The following MCF2L2 variants were observed in gnomAD, a reference collection of about 807,000 sequenced individuals.
The protein encoded by MCF2L2 is probable guanine nucleotide exchange factor MCF2L2.
Under a neutral mutation model 150.2 loss-of-function variants are expected in MCF2L2, and 102 were observed. That is an observed-to-expected ratio of 0.68 (90% CI 0.58 to 0.80). The LOEUF (loss-of-function observed/expected upper bound fraction) is 0.80. Ranked by LOEUF, MCF2L2 falls within the 30% of genes least tolerant of loss-of-function variation. MCF2L2 has a pLI of 0.00. For missense variants in MCF2L2, 1,256 were observed against 1,372.8 expected (o/e 0.91, Z 1.34); for synonymous variants, 465 against 491.3 (o/e 0.95, Z 0.71).
chr3:183,363,863 T>A (rs1237034121), intron 3 of MCF2L2, among the ~76,000 whole-genome samples: 1 of 152,210 alleles, frequency 6.6e-6, no homozygotes, highest in Non-Finnish European at 1.5e-5. Flanking sequence ...AATGAATATG[T>A]CTTCAGCTTT....
rs187861234 is a variant in MCF2L2 at position 183,289,630 on chromosome 3, C to T, written c.1676-410G>A. On this transcript the variant is annotated intron_variant, in intron 13 of 29. Transcript: ENST00000328913. ...CAGCACTTTGGGAGGCTGAGGCGGG[C>T]AGATCACCTGAGGTCAGGAGTTCGA... is the stretch of plus-strand genomic sequence containing the variant. 4.4e-3 allele frequency among the ~76,000 whole-genome samples: 673 copies of T among 152,234 alleles called. 6 individuals are homozygous for T. The highest frequency in any genetic ancestry group is 0.016 in the African/African-American group (644 of 41,532).
chr3:183,409,007 T>C lies in MCF2L2; in HGVS notation c.76+18895A>G, dbSNP rs575363127. Among the ~76,000 whole-genome samples, 267 of 152,384 alleles carry C rather than the reference T, an allele frequency of 1.8e-3. 2 individuals are homozygous for C. The highest frequency in any genetic ancestry group is 6.3e-3 in the African/African-American group (263 of 41,592). ...TAGACTTTTTGTTTGTTTAAGACTC[T>C]AGTGCTTAGCATGGGAAATGCAATT... is the stretch of plus-strand genomic sequence containing the variant. On this transcript the variant is annotated intron_variant, in intron 1 of 29. Transcript: ENST00000328913.
At position 183,179,117 on chromosome 3, in the gene MCF2L2, T is replaced by G. The variant is rs1459804741; in HGVS notation, c.*263A>C. ...AATTGCCCGGCTCCGAATATCGAAG[T>G]GCGCGGTCGAGAAGGCGTGGGCTGC... On this transcript the variant is annotated 3_prime_UTR_variant, in exon 30 of 30. Transcript: ENST00000328913. The surrounding 1 kb of genome is among the most constrained non-coding windows in gnomAD (Gnocchi z 4.2). The G allele has an allele frequency of 4.4e-5, 17 of 386,428 alleles. No homozygotes were observed. 23.9% of individuals were successfully genotyped at this position (386,428 alleles called of 1,614,324 possible).
chr3:183,349,759 G>C (rs567834282), intron 3 of MCF2L2, among the ~76,000 whole-genome samples: 93 of 152,356 alleles, frequency 6.1e-4, no homozygotes, highest in African/African-American at 2.1e-3. Flanking sequence ...AGACTCAGCT[G>C]TCTGATACTG....
At chr3:183,411,349 A>G (rs1310743728) in intron 1 of MCF2L2, among the ~76,000 whole-genome samples, 1 of 152,168 alleles carries the variant, frequency 6.6e-6, no homozygotes, top group Non-Finnish European at 1.5e-5. Context: ...CATTTCTCAC[A>G]ATCAGCAGAA....
chr3:183,370,534 C>T (rs955884917), intron 3 of MCF2L2, among the ~76,000 whole-genome samples: 7 of 152,156 alleles, frequency 4.6e-5, no homozygotes, highest in African/African-American at 1.7e-4. Context: ...ATTGAAATGT[C>T]GAAAGATGGA....
At chr3:183,321,159 C>T (rs73068097) in intron 6 of MCF2L2, among the ~76,000 whole-genome samples, 21,586 of 152,074 alleles carry the variant, frequency 0.14, 1,693 homozygotes, top group African/African-American at 0.2. Context: ...AACAGTTGGC[C>T]GGGTGCAGTG....
intron 15 of MCF2L2, chr3:183,271,429 C>CA (rs898798401): frequency 1.2e-5 from 2 of 167,250 alleles, no homozygotes; most frequent in Non-Finnish European, 2.9e-5. Flanking sequence ...TCTGGTAAAA[C>CA]AGTCTCTTGT....
Position 183,196,338 on chromosome 3 carries a change from G to A in MCF2L2, c.2885-1083C>T, listed in dbSNP as rs927689066. Among the ~76,000 whole-genome samples the A allele has an allele frequency of 3.9e-5, 6 of 152,264 alleles. No homozygotes were observed. In the East Asian group the frequency reaches 1.2e-3, roughly 29 times the overall value. ...TTTGGCCAGTGTACAGGGTTATTAT[G>A]CTTAACAATCCACAAAGGTTGAAAG... On this transcript the variant is annotated intron_variant, in intron 25 of 29. Coordinates refer to ENST00000328913, the MANE Select transcript of MCF2L2 (RefSeq NM_015078.4).
chr3:183,392,315 G>A (rs984596201), intron 1 of MCF2L2, among the ~76,000 whole-genome samples: 7 of 152,090 alleles, frequency 4.6e-5, no homozygotes, highest in African/African-American at 7.2e-5. Flanking sequence ...ATCACCTGAC[G>A]CTAAGAGGGC....
At chr3:183,202,907 G>A (rs977705758) in intron 25 of MCF2L2, among the ~76,000 whole-genome samples, 1 of 152,112 alleles carries the variant, frequency 6.6e-6, no homozygotes, top group African/African-American at 2.4e-5. Context: ...AGAAAAACCA[G>A]TCAATACAAA....
At chr3:183,195,150 C>A in intron 26 of MCF2L2, 72 bp downstream of exon 26, 1 of 1,190,596 alleles carries the variant, frequency 8.4e-7, no homozygotes, top group Non-Finnish European at 1.2e-6. Flanking sequence ...GCAATAAAAG[C>A]AATGACATGG....
At chr3:183,193,181 C>T in intron 26 of MCF2L2, 85 bp from the exon 27 acceptor site, 3 of 1,104,672 alleles carry the variant, frequency 2.7e-6, no homozygotes, top group South Asian at 2.6e-5. Flanking sequence ...AACGCTGGCC[C>T]ACCTAGTGTA....
intron 3 of MCF2L2, among the ~76,000 whole-genome samples, chr3:183,370,710 G>A (rs1712822673): frequency 6.6e-6 from 1 of 152,198 alleles, no homozygotes. Context: ...TTTTTAAATA[G>A]AGAAGGACAA....
intron 14 of MCF2L2, among the ~76,000 whole-genome samples, chr3:183,281,559 G>C (rs1014008467): frequency 1.7e-4 from 26 of 151,958 alleles, no homozygotes; most frequent in African/African-American, 6.3e-4. Context: ...TGGAAAACTG[G>C]GCAGTCTGTC....
chr3:183,294,699 G>A (rs190189674), intron 13 of MCF2L2, among the ~76,000 whole-genome samples: 351 of 147,862 alleles, frequency 2.4e-3, no homozygotes, highest in African/African-American at 7.6e-3. Flanking sequence ...CGCCATCTCC[G>A]CTAACTGCAA....
chr3:183,294,611 GTGTGTA>G (rs1442889015), intron 13 of MCF2L2, among the ~76,000 whole-genome samples: 4 of 132,156 alleles, frequency 3.0e-5, no homozygotes, highest in Admixed American at 7.7e-5. Flanking sequence ...GTGTGTGTGT[GTGTGTA>G]TATATATATA....
chr3:183,223,509 A>C, intron 19 of MCF2L2, 71 bp from the exon 20 acceptor site: 1 of 1,203,966 alleles, frequency 8.3e-7, no homozygotes, highest in South Asian at 1.2e-5. Flanking sequence ...GGCAGCATTT[A>C]GGTACAAAAC....
intron 1 of MCF2L2, among the ~76,000 whole-genome samples, chr3:183,398,143 C>G (rs1714562436): frequency 6.6e-6 from 1 of 152,194 alleles, no homozygotes; most frequent in Admixed American, 6.5e-5. Flanking sequence ...AGTAGCTTTA[C>G]CACTGAAAGG....
Sources: gnomAD v4.1 joint callset for allele counts (sites outside exome capture counted in the v4.1 genomes callset) on GRCh38, gnomAD v4.1.1 for gene constraint, Gnocchi (gnomAD v3.1) non-coding constraint, MANE v1.5 for transcripts, NCBI Gene and HGNC (gene_info 2026-07-23, HGNC 2026-07-21) for gene names.